TFEC: variants seen among roughly 807,000 people sequenced by gnomAD.
TFEC encodes the protein class E basic helix-loop-helix protein 34.
Under a neutral mutation model 41.6 loss-of-function variants are expected in TFEC, and 31 were observed. The observed-to-expected ratio is 0.74, with a 90% CI of 0.56 to 1.01. TFEC has a LOEUF of 1.01. Among genes scored for constraint, TFEC ranks in the 50% least tolerant of loss-of-function variants. The probability of loss-of-function intolerance (pLI) is 0.00; values close to 1 mark genes in which losing one functional copy is unlikely to be tolerated. For synonymous variants in TFEC, 143 were observed against 140.6 expected (o/e 1.02, Z -0.12); for missense variants, 402 against 404.1 (o/e 0.99, Z 0.04).
chr7:116,130,876 T>C (rs541520614), intron 1 of TFEC, among the ~76,000 whole-genome samples: 1 of 152,348 alleles, frequency 6.6e-6, no homozygotes, highest in Admixed American at 6.5e-5. Flanking sequence ...CCTCCCAAAG[T>C]ACTGGGATTA....
intron 6 of TFEC, 22 bp downstream of exon 6, chr7:115,950,852 T>C (rs1791897193): frequency 6.4e-7 from 1 of 1,568,350 alleles, no homozygotes; most frequent in Non-Finnish European, 8.7e-7. Context: ...AACATTATTA[T>C]AGAAATGATT....
intron 1 of TFEC, among the ~76,000 whole-genome samples, chr7:116,144,643 C>G (rs1028725477): frequency 1.3e-5 from 2 of 152,144 alleles, no homozygotes; most frequent in Admixed American, 6.5e-5. Flanking sequence ...AGCCACCATG[C>G]CTGGCCTCAA....
chr7:115,953,344 T>A lies in TFEC; in HGVS notation c.439+1242A>T, dbSNP rs1375564777. Reference sequence around the variant, plus strand: ...AATTGGACTTACTTTGTAATTTTGCTATGATCATCACAAGTTTTTAGGGTT... The same window carrying A: ...AATTGGACTTACTTTGTAATTTTGCAATGATCATCACAAGTTTTTAGGGTT... On this transcript the variant is annotated intron_variant, in intron 5 of 7. Coordinates refer to ENST00000265440, the MANE Select transcript of TFEC (RefSeq NM_012252.4). Among the ~76,000 whole-genome samples, 4 of 152,232 alleles carry A rather than the reference T, an allele frequency of 2.6e-5. No individual in the cohort carries two copies. In the East Asian group the frequency reaches 7.8e-4, roughly 30 times the overall value.
chr7:116,030,083 T>C (rs1000476149), intron 1 of TFEC, among the ~76,000 whole-genome samples: 3 of 152,024 alleles, frequency 2.0e-5, no homozygotes, highest in African/African-American at 4.8e-5. Flanking sequence ...GGTTGTTGCA[T>C]TGGGATACTT....
chr7:116,020,237 T>G (rs568511747), intron 1 of TFEC, among the ~76,000 whole-genome samples: 2 of 152,274 alleles, frequency 1.3e-5, no homozygotes, highest in East Asian at 3.9e-4. Context: ...AAACAAAGCT[T>G]TTGCTTTCCA....
At chr7:116,073,549 C>A (rs1337213830) in intron 3 of TFEC, among the ~76,000 whole-genome samples, 1 of 151,234 alleles carries the variant, frequency 6.6e-6, no homozygotes, top group Non-Finnish European at 1.5e-5. Context: ...GTTGAGATTT[C>A]AACAATTTCC....
rs149176973 is a variant in TFEC, at chr7:116,092,459, GT to G, written c.198+18248del. ...ATTCCATTAATTCTAAAATAAATAT[GT>G]TACCTGAGGCAAAATAAGTATAATC... On this transcript the variant is annotated intron_variant, in intron 3 of 8. Coordinates refer to the TFEC transcript ENST00000484212. Among the ~76,000 whole-genome samples, 1,298 of 152,124 alleles carry G rather than the reference GT, an allele frequency of 8.5e-3. 21 individuals carry two copies. The highest frequency in any genetic ancestry group is 0.029 in the African/African-American group (1,218 of 41,524).
chr7:116,007,078 C>T (rs1197388225), intron 1 of TFEC, among the ~76,000 whole-genome samples: 8 of 152,108 alleles, frequency 5.3e-5, no homozygotes, highest in Admixed American at 2.0e-4. Flanking sequence ...AGCATGAGAA[C>T]GGGCCAATAC....
chr7:116,138,169 G>A (rs1426538138), intron 1 of TFEC, among the ~76,000 whole-genome samples: 2 of 152,020 alleles, frequency 1.3e-5, no homozygotes, highest in African/African-American at 4.8e-5. Context: ...TGACACTGCT[G>A]CAATAAACTA....
chr7:115,982,407 T>C (rs1435002149), intron 2 of TFEC, among the ~76,000 whole-genome samples: 1 of 152,206 alleles, frequency 6.6e-6, no homozygotes, highest in Non-Finnish European at 1.5e-5. Context: ...CTTTCTGCCT[T>C]GAGTCAGACT....
intron 1 of TFEC, among the ~76,000 whole-genome samples, chr7:116,144,767 A>C (rs760263957): frequency 1.5e-4 from 23 of 152,194 alleles, no homozygotes; most frequent in South Asian, 2.1e-4. Context: ...TTTCCAGAAG[A>C]AGCAGCAATT....
At chr7:116,062,599 A>ATC (rs1554411824) in intron 3 of TFEC, among the ~76,000 whole-genome samples, 2 of 120,032 alleles carry the variant, frequency 1.7e-5, no homozygotes, top group East Asian at 2.2e-4. Context: ...ATATATATAT[A>ATC]TCACATTTTT....
At chr7:115,991,443 G>A (rs1412068156) in intron 1 of TFEC, among the ~76,000 whole-genome samples, 2 of 152,124 alleles carry the variant, frequency 1.3e-5, no homozygotes, top group South Asian at 4.1e-4. Flanking sequence ...ATTGGATAAA[G>A]AGTCAAGAGC....
At chr7:115,953,175 AGTGGGGGGCT>A (rs1205689651) in intron 5 of TFEC, among the ~76,000 whole-genome samples, 3 of 152,058 alleles carry the variant, frequency 2.0e-5, no homozygotes, top group Admixed American at 2.0e-4. Context: ...CAGAAAGAAC[AGTGGGGGGCT>A]GCAAGCTGAG....
chr7:115,945,925 G>A (rs768458447), intron 6 of TFEC, among the ~76,000 whole-genome samples: 1 of 151,632 alleles, frequency 6.6e-6, no homozygotes, highest in Non-Finnish European at 1.5e-5. Flanking sequence ...TTAAATAATT[G>A]TGACAAAGAC....
chr7:116,109,330 A>G (rs1797794843), intron 3 of TFEC, among the ~76,000 whole-genome samples: 1 of 152,228 alleles, frequency 6.6e-6, no homozygotes, highest in Non-Finnish European at 1.5e-5. Context: ...CTCATCTGAC[A>G]AAGTGCTAAT....
intron 1 of TFEC, among the ~76,000 whole-genome samples, chr7:115,995,226 A>G (rs1332215577): frequency 6.6e-6 from 1 of 151,400 alleles, no homozygotes. Context: ...GGATAGCATT[A>G]GGAGATATAC....
chr7:115,968,297 A>G, intron 3 of TFEC: 1 of 1,514,082 alleles, frequency 6.6e-7, no homozygotes, highest in South Asian at 1.2e-5. Flanking sequence ...AACTGTGTGG[A>G]AACTTCTACA....
At chr7:116,120,795 AAATGCC>A in intron 1 of TFEC, among the ~76,000 whole-genome samples, 1 of 152,060 alleles carries the variant, frequency 6.6e-6, no homozygotes, top group Non-Finnish European at 1.5e-5. Flanking sequence ...TTGATTGAAG[AAATGCC>A]ATTTTATATC....
Sources: allele counts gnomAD v4.1 joint callset (sites outside exome capture counted in the v4.1 genomes callset), GRCh38; gene constraint gnomAD v4.1.1; transcripts MANE v1.5; gene names NCBI Gene and HGNC (gene_info 2026-07-23, HGNC 2026-07-21).